Variants in UBL3 observed in about 807,000 individuals in gnomAD.
The protein encoded by UBL3 is ubiquitin like 3, also known as ubiquitin-like protein 3.
UBL3 carries 6 observed loss-of-function variants against 18.4 expected under a neutral mutation model. That is an observed-to-expected ratio of 0.33 (90% CI 0.18 to 0.64). The LOEUF (loss-of-function observed/expected upper bound fraction) is 0.64. UBL3 is among the 30% of genes least tolerant of loss of function. The pLI is 0.76. For missense variants in UBL3, 109 were observed against 142.9 expected, an observed-to-expected ratio of 0.76 and a Z score of 1.21; for synonymous variants, 49 against 46.6, an observed-to-expected ratio of 1.05 and a Z score of -0.21.
At chr13:29,832,834 TAC>T (rs1303459875) in intron 1 of UBL3, among the ~76,000 whole-genome samples, 1 of 152,210 alleles carries the variant, frequency 6.6e-6, no homozygotes, top group Non-Finnish European at 1.5e-5. Flanking sequence ...GTTCTATACT[TAC>T]AGTGTCTAGC....
At chr13:29,839,166 A>G (rs898010203) in intron 1 of UBL3, among the ~76,000 whole-genome samples, 2 of 152,196 alleles carry the variant, frequency 1.3e-5, no homozygotes, top group Admixed American at 1.3e-4. Context: ...CAAGTGTGAT[A>G]CAATAGATTG....
Position 29,835,132 on chromosome 13 carries a change from AT to A in UBL3, c.27+14379del, listed in dbSNP as rs1878911568. 5.5e-3 allele frequency among the ~76,000 whole-genome samples: 33 copies of A among 5,948 alleles called. 1 individual carries two copies. Among genetic ancestry groups the A allele is most frequent in the African/African-American group, 8.7e-3 (11 of 1,268 alleles). 3.9% of individuals were successfully genotyped at this position (5,948 alleles called of 152,430 possible). Reference sequence around the variant, plus strand: ...AATATATATATATATATAAATATATATATATATATATATATATATATATATA... The same window carrying A: ...AATATATATATATATATAAATATATAATATATATATATATATATATATATA... On this transcript the variant is annotated intron_variant, in intron 1 of 4. Coordinates refer to ENST00000380680, the MANE Select transcript of UBL3 (RefSeq NM_007106.4).
rs371955157 is a variant in UBL3 at position 29,842,788 on chromosome 13, C to T, written c.27+6724G>A. Among the ~76,000 whole-genome samples, 102 of 152,268 alleles carry T rather than the reference C, an allele frequency of 6.7e-4. 2 individuals carry two copies. Among genetic ancestry groups the T allele is most frequent in the Middle Eastern group, 3.4e-3 (1 of 294 alleles). On this transcript the variant is annotated intron_variant, in intron 1 of 4. Transcript: ENST00000380680. The stretch of plus-strand genomic sequence containing the variant: ...GTTCTTCACTATCAAGAAACTGCAT[C>T]TCTGCAAAACATAACTAACAGCCAG...
intron 1 of UBL3, among the ~76,000 whole-genome samples, chr13:29,827,097 A>C (rs1223530193): frequency 2.0e-5 from 3 of 152,182 alleles, no homozygotes; most frequent in Non-Finnish European, 4.4e-5. Flanking sequence ...GGAGTGCTTT[A>C]CTTCCAACTA....
chr13:29,778,474 A>T (rs1877060950), intron 1 of UBL3, among the ~76,000 whole-genome samples: 2 of 152,368 alleles, frequency 1.3e-5, no homozygotes, highest in Admixed American at 6.5e-5. Context: ...AGTTGGGTCC[A>T]GTCCAGAGCT....
At chr13:29,791,109 T>C (rs1242752037) in intron 1 of UBL3, among the ~76,000 whole-genome samples, 1 of 152,230 alleles carries the variant, frequency 6.6e-6, no homozygotes, top group Non-Finnish European at 1.5e-5. Flanking sequence ...TTTCCTGACT[T>C]ATTTATTTCT....
chr13:29,814,151 G>A (rs182046087), intron 1 of UBL3, among the ~76,000 whole-genome samples: 224 of 152,106 alleles, frequency 1.5e-3, no homozygotes, highest in African/African-American at 5.1e-3. Context: ...AGTATCTAAT[G>A]TTATTTTGCT....
At chr13:29,813,957 A>T (rs953360333) in intron 1 of UBL3, among the ~76,000 whole-genome samples, 1 of 152,174 alleles carries the variant, frequency 6.6e-6, no homozygotes, top group Non-Finnish European at 1.5e-5. Context: ...TAATTAATGA[A>T]TATTAGTGAC....
In UBL3 at chr13:29,777,864, T is replaced by A. The variant is rs1877043808; in HGVS notation, c.28-601A>T. Reference sequence around the variant, plus strand: ...TCACTGCAACCTCGGCCTCCCAAGCTCAATCCATTCTCCTGCCTCAGCCTC... The same window carrying A: ...TCACTGCAACCTCGGCCTCCCAAGCACAATCCATTCTCCTGCCTCAGCCTC... On this transcript the variant is annotated intron_variant, in intron 1 of 4. Coordinates refer to ENST00000380680, the MANE Select transcript of UBL3 (RefSeq NM_007106.4). Among the ~76,000 whole-genome samples, 4 of 152,042 alleles carry A rather than the reference T, an allele frequency of 2.6e-5. No homozygotes were observed. The South Asian group carries it at 8.3e-4, about 32-fold the overall frequency.
At chr13:29,795,869 C>T (rs928038563) in intron 1 of UBL3, among the ~76,000 whole-genome samples, 3 of 150,838 alleles carry the variant, frequency 2.0e-5, no homozygotes, top group Admixed American at 1.3e-4. Context: ...AAGTTTGAGG[C>T]TACAACGAGC....
intron 1 of UBL3, among the ~76,000 whole-genome samples, chr13:29,829,924 C>T (rs372920599): frequency 6.6e-6 from 1 of 152,192 alleles, no homozygotes; most frequent in Admixed American, 6.5e-5. Context: ...TTAAATTAAT[C>T]ATCTAATATG....
chr13:29,834,709 A>C (rs1252756298), intron 1 of UBL3, among the ~76,000 whole-genome samples: 1 of 152,218 alleles, frequency 6.6e-6, no homozygotes, highest in East Asian at 1.9e-4. Context: ...TCAGAGTATT[A>C]GTATAACTGT....
In UBL3 at chr13:29,764,592, A is replaced by G. The variant is rs1331449192; in HGVS notation, c.*2663T>C. ...CTGTATTTTTCCATGGTAAAATACA[A>G]CTTATCTTGAAGAGAAAGCAAATAG... On this transcript the variant is annotated 3_prime_UTR_variant, in exon 5 of 5. Coordinates refer to ENST00000380680, the MANE Select transcript of UBL3 (RefSeq NM_007106.4). 1 of 152,238 alleles carries G rather than the reference A, an allele frequency of 6.6e-6. No homozygotes were observed. The highest frequency in any genetic ancestry group is 1.5e-5 in the Non-Finnish European group (1 of 68,046). The allele number at this position is 152,238 out of a possible 1,614,324, so 9.4% of individuals were successfully genotyped here. A position where few individuals can be genotyped will look rare whatever the true frequency, so the allele number is the denominator to read the frequency against.
intron 1 of UBL3, among the ~76,000 whole-genome samples, chr13:29,786,384 T>A (rs1015685893): frequency 3.9e-5 from 6 of 152,164 alleles, no homozygotes; most frequent in Non-Finnish European, 8.8e-5. Flanking sequence ...CTCCTCACCC[T>A]CTACCCCGAT....
At chr13:29,784,874 T>A (rs1167455542) in intron 1 of UBL3, among the ~76,000 whole-genome samples, 6 of 151,990 alleles carry the variant, frequency 3.9e-5, no homozygotes, top group Non-Finnish European at 8.8e-5. Context: ...CATATAAAAC[T>A]GGACAAATAT....
At chr13:29,796,044 A>G (rs1877601862) in intron 1 of UBL3, among the ~76,000 whole-genome samples, 1 of 152,066 alleles carries the variant, frequency 6.6e-6, no homozygotes. Flanking sequence ...TGAAAAGAGA[A>G]CAGAAGATAA....
intron 1 of UBL3, among the ~76,000 whole-genome samples, chr13:29,786,757 T>C (rs1877329684): frequency 3.5e-5 from 1 of 28,388 alleles, no homozygotes; most frequent in South Asian, 1.5e-3. Context: ...CTATATTCTG[T>C]TTAGCATTTA....
At chr13:29,786,421 G>A (rs767333078) in intron 1 of UBL3, among the ~76,000 whole-genome samples, 7 of 152,264 alleles carry the variant, frequency 4.6e-5, no homozygotes, top group Non-Finnish European at 7.4e-5. Context: ...ATAGATGTCT[G>A]AGAGGGAATG....
At chr13:29,835,154 AT>A (rs1172230412) in intron 1 of UBL3, among the ~76,000 whole-genome samples, 15 of 46,830 alleles carry the variant, frequency 3.2e-4, no homozygotes, top group African/African-American at 1.9e-3. Context: ...ATATATATAT[AT>A]ATATATATAT....
Sources: allele counts gnomAD v4.1 joint callset (sites outside exome capture counted in the v4.1 genomes callset), GRCh38; gene constraint gnomAD v4.1.1; transcripts MANE v1.5; gene names NCBI Gene and HGNC (gene_info 2026-07-23, HGNC 2026-07-21).